Variants in FAM117B observed in about 807,000 individuals in gnomAD.
FAM117B encodes family with sequence similarity 117 member B.
Under a neutral mutation model 52.8 loss-of-function variants are expected in FAM117B, and 22 were observed. The ratio of observed to expected loss-of-function variants is 0.42; its 90% CI spans 0.30 to 0.59. The LOEUF is 0.59. Among genes scored for constraint, FAM117B ranks in the 20% least tolerant of loss-of-function variants. FAM117B has a pLI of 0.22. For missense variants in FAM117B, 678 were observed against 802.6 expected (o/e 0.84, Z 1.88); for synonymous variants, 309 against 324.1 (o/e 0.95, Z 0.50).
chr2:202,637,257 A>T (rs1480870537), intron 1 of FAM117B, among the ~76,000 whole-genome samples: 2 of 148,524 alleles, frequency 1.3e-5, no homozygotes, highest in Non-Finnish European at 3.0e-5. Flanking sequence ...ATTTTTATTT[A>T]TATTTTTATT....
At chr2:202,681,956 G>A (rs542653469) in intron 1 of FAM117B, among the ~76,000 whole-genome samples, 2 of 152,196 alleles carry the variant, frequency 1.3e-5, no homozygotes, top group East Asian at 3.9e-4. Context: ...AAAACCCCAG[G>A]CCTTGCTGGC....
At chr2:202,666,353 A>G (rs1690204839) in intron 1 of FAM117B, among the ~76,000 whole-genome samples, 1 of 151,984 alleles carries the variant, frequency 6.6e-6, no homozygotes, top group Non-Finnish European at 1.5e-5. Flanking sequence ...TGAAGTTTGC[A>G]TTGGAAAAAT....
chr2:202,749,558 AGTT>A (rs1003249519), intron 4 of FAM117B, among the ~76,000 whole-genome samples: 2 of 152,096 alleles, frequency 1.3e-5, no homozygotes, highest in African/African-American at 4.8e-5. Flanking sequence ...AATTATTAAT[AGTT>A]GTTATCTCTG....
chr2:202,702,782 T>C (rs1690815129), intron 2 of FAM117B, among the ~76,000 whole-genome samples: 1 of 152,166 alleles, frequency 6.6e-6, no homozygotes, highest in Non-Finnish European at 1.5e-5. Context: ...CTCGATCTCC[T>C]GACCTCGTGA....
At chr2:202,749,063 C>A (rs1691681433) in intron 4 of FAM117B, among the ~76,000 whole-genome samples, 1 of 151,764 alleles carries the variant, frequency 6.6e-6, no homozygotes, top group Non-Finnish European at 1.5e-5. Flanking sequence ...AAAAATAAAT[C>A]CAATTTAGAG....
At chr2:202,716,303 C>G (rs1393539160) in intron 2 of FAM117B, among the ~76,000 whole-genome samples, 1 of 151,978 alleles carries the variant, frequency 6.6e-6, no homozygotes, top group African/African-American at 2.4e-5. Context: ...TTGTAGGCAG[C>G]AGATCATTGG....
chr2:202,708,063 C>T (rs571441648), intron 2 of FAM117B, among the ~76,000 whole-genome samples: 1 of 152,230 alleles, frequency 6.6e-6, no homozygotes, highest in African/African-American at 2.4e-5. Context: ...AGCCACCACG[C>T]CCAGCCTAAT....
At chr2:202,673,431 C>CTTTTTTTTTTTTTTTTTTT (rs1690327997) in intron 1 of FAM117B, among the ~76,000 whole-genome samples, 1 of 31,188 alleles carries the variant, frequency 3.2e-5, no homozygotes, top group African/African-American at 1.7e-4. Flanking sequence ...TTTTCTTTTT[C>CTTTTTTTTTTTTTTTTTTT]TGTTTTTTTT....
Position 202,745,300 on chromosome 2 carries a change from A to G in FAM117B, c.961-10238A>G, listed in dbSNP as rs573055305. ...GTGTCAAAAAAAAAAAAAAGGCAAA[A>G]TAAGTCTTTTCTAGACAGGCAAGAA... On this transcript the variant is annotated intron_variant, in intron 4 of 7. Transcript: ENST00000392238. Among the ~76,000 whole-genome samples the G allele has an allele frequency of 5.9e-5, 9 of 152,096 alleles. No individual in the cohort carries two copies. In the South Asian group the frequency reaches 1.9e-3, roughly 32 times the overall value.
intron 4 of FAM117B, among the ~76,000 whole-genome samples, chr2:202,745,664 G>A (rs1434173072): frequency 3.3e-5 from 5 of 152,156 alleles, no homozygotes; most frequent in African/African-American, 1.2e-4. Context: ...GGCTGAATGG[G>A]TAATAAAATA....
intron 1 of FAM117B, among the ~76,000 whole-genome samples, chr2:202,690,143 C>G (rs755628922): frequency 1.3e-5 from 2 of 152,090 alleles, no homozygotes; most frequent in Non-Finnish European, 2.9e-5. Context: ...AAGGCGTTGA[C>G]TGAAATTTTC....
intron 1 of FAM117B, among the ~76,000 whole-genome samples, chr2:202,647,590 A>G (rs1318100709): frequency 1.3e-5 from 2 of 152,244 alleles, no homozygotes; most frequent in African/African-American, 4.8e-5. Flanking sequence ...AACTACAGCA[A>G]AATATTCATC....
chr2:202,639,976 TA>T (rs528697275), intron 1 of FAM117B, among the ~76,000 whole-genome samples: 40 of 151,684 alleles, frequency 2.6e-4, no homozygotes, highest in African/African-American at 9.4e-4. Context: ...TGTGGTATAA[TA>T]AAAAAAATTT....
intron 4 of FAM117B, among the ~76,000 whole-genome samples, chr2:202,745,252 C>T (rs1691613175): frequency 6.6e-6 from 1 of 150,452 alleles, no homozygotes; most frequent in African/African-American, 2.5e-5. Flanking sequence ...TGCACTCCAT[C>T]TTGAGTGACA....
intron 2 of FAM117B, among the ~76,000 whole-genome samples, chr2:202,709,297 G>A (rs1690924664): frequency 1.3e-5 from 2 of 151,688 alleles, no homozygotes; most frequent in South Asian, 4.2e-4. Flanking sequence ...CTGCCTCCCG[G>A]GTTCAAGCGA....
chr2:202,660,646 A>G lies in FAM117B; in HGVS notation c.601+24858A>G, dbSNP rs150583077. Among the ~76,000 whole-genome samples, 137 of 152,304 alleles carry G rather than the reference A, an allele frequency of 9.0e-4. 1 individual carries two copies. The highest frequency in any genetic ancestry group is 3.2e-3 in the African/African-American group (131 of 41,560). On this transcript the variant is annotated intron_variant, in intron 1 of 7. Transcript: ENST00000392238. ...GATTTATTTTCACACTCTGTTTCCCAGGAGATCTTGTCCTCATTCTCTGAT... is the reference window on the plus strand; with the variant it reads ...GATTTATTTTCACACTCTGTTTCCCGGGAGATCTTGTCCTCATTCTCTGAT...
At chr2:202,662,981 A>G (rs992257558) in intron 1 of FAM117B, among the ~76,000 whole-genome samples, 3 of 152,262 alleles carry the variant, frequency 2.0e-5, no homozygotes, top group Non-Finnish European at 2.9e-5. Flanking sequence ...TGTTAATTAG[A>G]AATAAAAAAT....
chr2:202,638,326 A>G (rs1447274570), intron 1 of FAM117B, among the ~76,000 whole-genome samples: 1 of 152,216 alleles, frequency 6.6e-6, no homozygotes, highest in Non-Finnish European at 1.5e-5. Flanking sequence ...GTAGTCTGAT[A>G]ACAGAATCTG....
intron 6 of FAM117B, among the ~76,000 whole-genome samples, chr2:202,758,837 A>G (rs1691840838): frequency 6.6e-6 from 1 of 152,262 alleles, no homozygotes; most frequent in Admixed American, 6.5e-5. Flanking sequence ...GATTGTAACC[A>G]GCGGAGCAGA....
Sources: allele counts gnomAD v4.1 joint callset (sites outside exome capture counted in the v4.1 genomes callset), GRCh38; gene constraint gnomAD v4.1.1; transcripts MANE v1.5; gene names NCBI Gene and HGNC (gene_info 2026-07-23, HGNC 2026-07-21).